KCNN2: variants seen among roughly 807,000 people sequenced by gnomAD.
KCNN2 encodes small conductance calcium-activated potassium channel protein 2.
Under a neutral mutation model 55.5 loss-of-function variants are expected in KCNN2, and 24 were observed. The ratio of observed to expected loss-of-function variants is 0.43; its 90% CI spans 0.31 to 0.61. The LOEUF is 0.61. Among genes scored for constraint, KCNN2 ranks in the 20% least tolerant of loss-of-function variants. The pLI is 0.08. For synonymous variants in KCNN2, 431 were observed against 336.1 expected, an observed-to-expected ratio of 1.28 and a Z score of -3.09; for missense variants, 754 against 853.6, an observed-to-expected ratio of 0.88 and a Z score of 1.45.
chr5:114,217,736 GAA>G (rs1300142011), intron 1 of KCNN2, among the ~76,000 whole-genome samples: 1 of 152,076 alleles, frequency 6.6e-6, no homozygotes, highest in African/African-American at 2.4e-5. Flanking sequence ...ATCCATGAAA[GAA>G]AGAATTGATA....
chr5:114,109,484 C>G (rs1751551618), intron 1 of KCNN2, among the ~76,000 whole-genome samples: 1 of 152,156 alleles, frequency 6.6e-6, no homozygotes, highest in East Asian at 1.9e-4. Context: ...TTGGGGCCAT[C>G]TTAGAGTTTG....
chr5:114,371,853 C>A (rs1757767419), intron 2 of KCNN2, among the ~76,000 whole-genome samples: 1 of 152,158 alleles, frequency 6.6e-6, no homozygotes, highest in Non-Finnish European at 1.5e-5. Flanking sequence ...CAGATAGGAT[C>A]TTCCAGTGGG....
intron 3 of KCNN2, among the ~76,000 whole-genome samples, chr5:114,447,502 T>G (rs901358647): frequency 6.6e-6 from 1 of 152,254 alleles, no homozygotes; most frequent in Non-Finnish European, 1.5e-5. Context: ...TGAAGAGAGA[T>G]GACTGACAAA....
chr5:114,170,462 T>G (rs1753009864), intron 1 of KCNN2, among the ~76,000 whole-genome samples: 1 of 151,994 alleles, frequency 6.6e-6, no homozygotes, highest in Non-Finnish European at 1.5e-5. Context: ...ACACTGCACA[T>G]CATTTAATCT....
At chr5:114,331,828 T>A (rs1580727137) in intron 2 of KCNN2, among the ~76,000 whole-genome samples, 1 of 152,328 alleles carries the variant, frequency 6.6e-6, no homozygotes, top group East Asian at 1.9e-4. Flanking sequence ...GATCTTCTAC[T>A]CAGATAATGC....
At chr5:114,191,730 C>T (rs1334018540) in intron 1 of KCNN2, among the ~76,000 whole-genome samples, 1 of 152,062 alleles carries the variant, frequency 6.6e-6, no homozygotes, top group Non-Finnish European at 1.5e-5. Flanking sequence ...GATAGAAAGA[C>T]CATATTATGT....
intron 2 of KCNN2, among the ~76,000 whole-genome samples, chr5:114,282,190 A>G (rs925126379): frequency 6.6e-6 from 1 of 151,366 alleles, no homozygotes; most frequent in Non-Finnish European, 1.5e-5. Context: ...TCTTTTGGGG[A>G]TAGATTTGTT....
chr5:114,362,646 C>T lies in KCNN2; in HGVS notation c.507C>T (p.Pro169=), dbSNP rs1369710737. 7.7e-7 allele frequency: 1 copy of T among 1,293,960 alleles called. No individual in the cohort carries two copies. The highest frequency in any genetic ancestry group is 1.0e-6 in the Non-Finnish European group (1 of 974,984). 80.2% of individuals were successfully genotyped at this position (1,293,960 alleles called of 1,614,324 possible). Residue 169 remains proline, a synonymous_variant, in exon 1 of 8, where the codon CCC becomes CCT. Coordinates refer to ENST00000673685, the MANE Select transcript of KCNN2 (RefSeq NM_021614.4). Reference sequence around the variant, plus strand: ...ACAGCCTGCAGCCCGCCGCCAGCCCCACGGGCAGCCTCGGCAGTCTGGGCT... The same window carrying T: ...ACAGCCTGCAGCCCGCCGCCAGCCCTACGGGCAGCCTCGGCAGTCTGGGCT... The part of the protein sequence containing the change: ...QCHSLQPAAS[P]TGSLGSLGSG...
At chr5:114,249,018 T>C (rs541110329) in intron 2 of KCNN2, among the ~76,000 whole-genome samples, 3 of 152,324 alleles carry the variant, frequency 2.0e-5, no homozygotes, top group Non-Finnish European at 2.9e-5. Context: ...TACAGGGTGT[T>C]ACCATATTGT....
chr5:114,263,785 C>T (rs1156845853), intron 2 of KCNN2, among the ~76,000 whole-genome samples: 1 of 152,132 alleles, frequency 6.6e-6, no homozygotes, highest in Non-Finnish European at 1.5e-5. Context: ...TTGACTAACA[C>T]CTTTTAGACT....
At chr5:114,477,534 C>G (rs17361210) in intron 5 of KCNN2, among the ~76,000 whole-genome samples, 6 of 152,206 alleles carry the variant, frequency 3.9e-5, no homozygotes, top group African/African-American at 1.2e-4. Context: ...GTGTCCAGAA[C>G]AAACTAATGA....
At chr5:114,381,605 G>A (rs1489040156) in intron 2 of KCNN2, among the ~76,000 whole-genome samples, 1 of 152,076 alleles carries the variant, frequency 6.6e-6, no homozygotes. Flanking sequence ...TACTGTGATC[G>A]TCCTCTTCTA....
intron 2 of KCNN2, among the ~76,000 whole-genome samples, chr5:114,255,352 G>A (rs1429492517): frequency 6.6e-6 from 1 of 152,168 alleles, no homozygotes; most frequent in Non-Finnish European, 1.5e-5. Context: ...TTGACTCTTA[G>A]CAGAAAAAGG....
At chr5:114,235,974 C>T (rs770561936) in intron 2 of KCNN2, among the ~76,000 whole-genome samples, 21 of 152,124 alleles carry the variant, frequency 1.4e-4, no homozygotes, top group Non-Finnish European at 2.6e-4. Context: ...GGCTATGCAG[C>T]GATCAGTGAG....
chr5:114,452,316 A>G (rs1394123874), intron 3 of KCNN2, among the ~76,000 whole-genome samples: 1 of 152,192 alleles, frequency 6.6e-6, no homozygotes, highest in African/African-American at 2.4e-5. Context: ...TCAGTGATGG[A>G]ACATTATTAG....
rs1169713120 is a variant in KCNN2, at chr5:114,128,367, G to C, written c.-271+71867G>C. On this transcript the variant is annotated intron_variant, in intron 1 of 10. Transcript: ENST00000512097. ...AGAAGAATGAGTGCCCAGTGGAAGG[G>C]GAAGCCCCTTACAAAATAATCAGAT... is the stretch of plus-strand genomic sequence containing the variant. Among the ~76,000 whole-genome samples, 5 of 152,232 alleles carry C rather than the reference G, an allele frequency of 3.3e-5. No homozygotes were observed. In the East Asian group the frequency reaches 9.7e-4, roughly 30 times the overall value.
chr5:114,437,103 A>G (rs925024110), intron 3 of KCNN2, among the ~76,000 whole-genome samples: 2 of 151,928 alleles, frequency 1.3e-5, no homozygotes, highest in Admixed American at 6.6e-5. Context: ...AGAAAAACTG[A>G]GCTTTAAGTA....
intron 3 of KCNN2, among the ~76,000 whole-genome samples, chr5:114,438,385 A>C (rs982214791): frequency 1.3e-5 from 2 of 152,156 alleles, no homozygotes; most frequent in Non-Finnish European, 2.9e-5. Context: ...GAGGATTATG[A>C]TAGGGGAAAG....
At chr5:114,062,053 C>T (rs1330671986) in intron 1 of KCNN2, among the ~76,000 whole-genome samples, 1 of 151,576 alleles carries the variant, frequency 6.6e-6, no homozygotes, top group African/African-American at 2.4e-5. Context: ...CAGAATACAT[C>T]ATTGATTAAA....
Sources: gnomAD v4.1 joint callset for allele counts (sites outside exome capture counted in the v4.1 genomes callset) on GRCh38, gnomAD v4.1.1 for gene constraint, MANE v1.5 for transcripts, NCBI Gene and HGNC (gene_info 2026-07-23, HGNC 2026-07-21) for gene names.